The following SPART variants were observed in gnomAD, a reference collection of about 807,000 sequenced individuals.
SPART encodes the protein spastic paraplegia 20 (Troyer syndrome).
Under a neutral mutation model 58.7 loss-of-function variants are expected in SPART, and 35 were observed. That is an observed-to-expected ratio of 0.60 (90% CI 0.46 to 0.79). SPART has a LOEUF of 0.79. Ranked by LOEUF, SPART falls within the 30% of genes least tolerant of loss-of-function variation. The pLI is 0.00. For missense variants in SPART, 730 were observed against 786.1 expected (o/e 0.93, Z 0.85); for synonymous variants, 284 against 280.7 (o/e 1.01, Z -0.12).
At chr13:36,307,006 C>T (rs555358994) in intron 8 of SPART, among the ~76,000 whole-genome samples, 3 of 152,276 alleles carry the variant, frequency 2.0e-5, no homozygotes, top group African/African-American at 4.8e-5. Context: ...CTCCTGCTTT[C>T]CAATATGCCT....
At chr13:36,347,500 G>A (rs1171746712), upstream of SPART, among the ~76,000 whole-genome samples, 1 of 152,156 alleles carries the variant, frequency 6.6e-6, no homozygotes, top group East Asian at 1.9e-4. Context: ...CGATCCACCT[G>A]CCTCAGTTTC....
chr13:36,357,352 G>A (rs1401150540), intron 1 of SPART, among the ~76,000 whole-genome samples: 1 of 152,188 alleles, frequency 6.6e-6, no homozygotes, highest in Middle Eastern at 3.2e-3. Flanking sequence ...CCAGTCACAA[G>A]TCATCTTTGC....
At position 36,304,487 on chromosome 13, in the gene SPART, C is replaced by T. The variant is rs1430066433; in HGVS notation, c.1879G>A (p.Asp627Asn). 3.7e-6 allele frequency: 6 copies of T among 1,614,136 alleles called. No homozygotes were observed. The South Asian group carries it at 6.6e-5, about 18-fold the overall frequency. ...TGAGAATTATCAACTATCTGATAGT[C>T]CTCAAGGAGAGTGTGTCCTGTTTGT... ...ATQTGHTLLE[D>N]YQIVDNSQRE... The change falls in exon 9 of 9, where the codon GAC becomes AAC. Residue 627 changes from aspartate to asparagine, a missense_variant. Physicochemically the swap from Asp to Asn is conservative, Grantham distance 23. Coordinates refer to ENST00000438666, the MANE Select transcript of SPART (RefSeq NM_015087.5).
chr13:36,317,403 C>T (rs1049601586), intron 5 of SPART, among the ~76,000 whole-genome samples: 3 of 151,998 alleles, frequency 2.0e-5, no homozygotes, highest in African/African-American at 7.2e-5. Flanking sequence ...TCTCTGTGCC[C>T]CAATCCCTTA....
At chr13:36,321,097 C>G (rs1361631922) in intron 5 of SPART, among the ~76,000 whole-genome samples, 1 of 152,202 alleles carries the variant, frequency 6.6e-6, no homozygotes. Flanking sequence ...TTTAAGCTCC[C>G]GTACAGACGC....
intron 5 of SPART, among the ~76,000 whole-genome samples, chr13:36,320,509 T>C (rs1358728242): frequency 6.6e-6 from 1 of 152,204 alleles, no homozygotes; most frequent in Non-Finnish European, 1.5e-5. Flanking sequence ...GCCTGCCTCT[T>C]AGAACCTCTC....
Position 36,355,225 on chromosome 13 carries a change from A to G in SPART, c.-3+14864T>C, listed in dbSNP as rs545008347. ...TGCCAGGCTGGAGTGCAGTGGAACT[A>G]TCATAGCTCACTAAGGCTTTAAACT... On this transcript the variant is annotated intron_variant, in intron 1 of 8. Transcript: ENST00000355182. Among the ~76,000 whole-genome samples the G allele has an allele frequency of 5.9e-5, 9 of 152,276 alleles. No homozygotes were observed. In the South Asian group the frequency reaches 1.5e-3, roughly 25 times the overall value.
At chr13:36,336,182 C>A in intron 1 of SPART, 1 of 180,582 alleles carries the variant, frequency 5.5e-6, no homozygotes, top group Non-Finnish European at 1.2e-5. Flanking sequence ...TTCTAAAATT[C>A]ATTATAATAT....
intron 1 of SPART, among the ~76,000 whole-genome samples, chr13:36,336,612 C>G (rs1884034627): frequency 6.6e-6 from 1 of 152,136 alleles, no homozygotes; most frequent in African/African-American, 2.4e-5. Flanking sequence ...AAAAATGATA[C>G]AACATTTTGG....
chr13:36,344,643 T>C (rs1483761968), intron 1 of SPART, among the ~76,000 whole-genome samples: 2 of 152,168 alleles, frequency 1.3e-5, no homozygotes, highest in Non-Finnish European at 2.9e-5. Flanking sequence ...AGAAAATACA[T>C]TTTACAGAAA....
At chr13:36,334,418 A>G (rs1164747536) in intron 2 of SPART, among the ~76,000 whole-genome samples, 1 of 149,678 alleles carries the variant, frequency 6.7e-6, no homozygotes, top group Non-Finnish European at 1.5e-5. Flanking sequence ...ACCTTGGCAT[A>G]GTTGAGATTT....
chr13:36,314,406 C>T lies in SPART; in HGVS notation c.1304G>A (p.Ser435Asn). Residue 435 changes from serine to asparagine, a missense_variant, in exon 6 of 9, where the codon AGT becomes AAT. Physicochemically the swap from Ser to Asn is conservative, Grantham distance 46. Transcript: ENST00000438666. ...CTCAGCACCTTTGACTAAACCCCAACTCACCCAGGAAGCACCTTTTTAAAA... is the reference window on the plus strand; with the variant it reads ...CTCAGCACCTTTGACTAAACCCCAATTCACCCAGGAAGCACCTTTTTAAAA... ...HNILSGASWV[S>N]WGLVKGAEIT... The T allele has an allele frequency of 1.2e-6, 2 of 1,614,092 alleles. No homozygotes were observed. Among genetic ancestry groups the T allele is most frequent in the Non-Finnish European group, 1.7e-6 (2 of 1,180,008 alleles).
chr13:36,361,053 G>A (rs1295390047), intron 1 of SPART, among the ~76,000 whole-genome samples: 1 of 152,140 alleles, frequency 6.6e-6, no homozygotes, highest in Non-Finnish European at 1.5e-5. Context: ...AATTCATGGT[G>A]TAACGATATT....
chr13:36,305,041 C>T (rs1226580124), intron 8 of SPART, among the ~76,000 whole-genome samples: 1 of 152,120 alleles, frequency 6.6e-6, no homozygotes, highest in Non-Finnish European at 1.5e-5. Context: ...TCTACCTTAA[C>T]CAGACTTTGG....
intron 1 of SPART, among the ~76,000 whole-genome samples, chr13:36,356,707 C>G (rs888916584): frequency 6.6e-6 from 1 of 152,196 alleles, no homozygotes; most frequent in African/African-American, 2.4e-5. Context: ...CCTCGACCAC[C>G]TTGGGCACAT....
chr13:36,311,708 T>C (rs1439706595), intron 8 of SPART, among the ~76,000 whole-genome samples: 1 of 152,192 alleles, frequency 6.6e-6, no homozygotes, highest in Non-Finnish European at 1.5e-5. Flanking sequence ...TCTCCCTATT[T>C]AAGAAAAGCA....
rs749365239 is a variant in SPART, at chr13:36,335,832, T to G, written c.-2A>C. The G allele has an allele frequency of 6.2e-7, 1 of 1,609,788 alleles. No homozygotes were observed. The highest frequency in any genetic ancestry group is 1.1e-5 in the South Asian group (1 of 91,010). Reference sequence around the variant, plus strand: ...TCCATTTTGTGGCTCTTGCTCCATTTCTGCAAAATTGGAGACATATTTAAT... The same window carrying G: ...TCCATTTTGTGGCTCTTGCTCCATTGCTGCAAAATTGGAGACATATTTAAT... On this transcript the variant is annotated splice_region_variant and 5_prime_UTR_variant, in exon 2 of 9. Transcript: ENST00000438666.
rs776056668 is a variant in SPART at position 36,331,561 on chromosome 13, T to G, written c.846A>C (p.Arg282Ser). 6.2e-7 allele frequency: 1 copy of G among 1,613,908 alleles called. No homozygotes were observed. Among genetic ancestry groups the G allele is most frequent in the Non-Finnish European group, 8.5e-7 (1 of 1,179,962 alleles). Reference protein sequence around the residue: ...CDWLYPLVPDRSPVLKCTAGA... With the variant: ...CDWLYPLVPDSSPVLKCTAGA... ...CCGCAGTACATTTCAGAACCGGAGA[T>G]CTATCAGGAACTAGAGGATATAACC... Residue 282 changes from arginine to serine, a missense_variant, in exon 3 of 9, where the codon AGA (arginine) becomes AGC (serine). Transcript: ENST00000438666.
chr13:36,344,807 C>T (rs1287992386), intron 1 of SPART, among the ~76,000 whole-genome samples: 3 of 152,150 alleles, frequency 2.0e-5, no homozygotes, highest in Non-Finnish European at 4.4e-5. Flanking sequence ...TTTGAAATGA[C>T]AATCTGATGT....
Sources: allele counts gnomAD v4.1 joint callset (sites outside exome capture counted in the v4.1 genomes callset), GRCh38; gene constraint gnomAD v4.1.1; transcripts MANE v1.5; gene names NCBI Gene and HGNC (gene_info 2026-07-23, HGNC 2026-07-21).